The following GNAO1 variants were observed in gnomAD, a reference collection of about 807,000 sequenced individuals.
The protein encoded by GNAO1 is G protein subunit alpha o1.
For synonymous variants in GNAO1, 164 were observed against 180.7 expected (o/e 0.91, Z 0.74); for missense variants, 166 against 478.7 (o/e 0.35, Z 6.10).
chr16:56,214,729 G>A (rs1160376541), intron 2 of GNAO1, among the ~76,000 whole-genome samples: 1 of 152,118 alleles, frequency 6.6e-6, no homozygotes, highest in East Asian at 1.9e-4. Flanking sequence ...TGCCATCCTG[G>A]GAACACAGTA....
chr16:56,228,237 G>A (rs1192363904), intron 2 of GNAO1, among the ~76,000 whole-genome samples: 2 of 152,184 alleles, frequency 1.3e-5, no homozygotes, highest in African/African-American at 4.8e-5. Flanking sequence ...GGCTTAGCCA[G>A]GGCCACCACC....
chr16:56,308,688 A>G (rs2037422442), intron 3 of GNAO1, among the ~76,000 whole-genome samples: 1 of 152,128 alleles, frequency 6.6e-6, no homozygotes, highest in South Asian at 2.1e-4. Flanking sequence ...GAGGAACAGG[A>G]CCACAGTTGG....
At chr16:56,336,976 C>A in intron 6 of GNAO1, 116 bp downstream of exon 6, 3 of 1,021,512 alleles carry the variant, frequency 2.9e-6, no homozygotes, top group South Asian at 1.6e-5. Flanking sequence ...GTCCAGCCAG[C>A]TGTTGTGGTT....
chr16:56,354,809 C>T lies in GNAO1; in HGVS notation c.878-57C>T. On this transcript the variant is annotated intron_variant, in intron 7 of 8. Coordinates refer to ENST00000262493, the MANE Select transcript of GNAO1 (RefSeq NM_020988.3). The surrounding 1 kb of genome is among the most constrained non-coding windows in gnomAD (Gnocchi z 4.3). ...ACTTCTTGTCTTCATGTCCCCAGCC[C>T]TGTCCACCCACAGCGCTCATCAGGG... The T allele has an allele frequency of 9.1e-7, 1 of 1,101,472 alleles. No homozygotes were observed. The allele number at this position is 1,101,472 out of a possible 1,614,324, so 68.2% of individuals were successfully genotyped here.
intron 2 of GNAO1, among the ~76,000 whole-genome samples, chr16:56,225,615 AG>A (rs1387760143): frequency 6.6e-6 from 1 of 152,098 alleles, no homozygotes; most frequent in Non-Finnish European, 1.5e-5. Flanking sequence ...TTCTAATGGG[AG>A]GGTGGAGTTC....
At chr16:56,263,367 A>G (rs1263876529) in intron 2 of GNAO1, among the ~76,000 whole-genome samples, 1 of 152,236 alleles carries the variant, frequency 6.6e-6, no homozygotes, top group Non-Finnish European at 1.5e-5. Context: ...GCCATGTACC[A>G]AGCTCTGCCC....
At chr16:56,249,057 C>T (rs1354896867) in intron 2 of GNAO1, among the ~76,000 whole-genome samples, 4 of 152,132 alleles carry the variant, frequency 2.6e-5, no homozygotes, top group East Asian at 1.9e-4. Context: ...CAAGAAACTA[C>T]GGTGGTAGTG....
At chr16:56,348,462 G>T (rs1328383426) in intron 6 of GNAO1, among the ~76,000 whole-genome samples, 1 of 152,252 alleles carries the variant, frequency 6.6e-6, no homozygotes, top group African/African-American at 2.4e-5. Flanking sequence ...GGACACTGCT[G>T]TGGGTGACGT....
intron 2 of GNAO1, among the ~76,000 whole-genome samples, chr16:56,196,418 A>T (rs889035046): frequency 3.9e-5 from 6 of 152,214 alleles, no homozygotes; most frequent in Admixed American, 6.5e-5. Flanking sequence ...ATTTTTAAAG[A>T]ATTGTCAATT....
chr16:56,245,977 C>G (rs1290838730), intron 2 of GNAO1, among the ~76,000 whole-genome samples: 3 of 152,144 alleles, frequency 2.0e-5, no homozygotes, highest in Non-Finnish European at 4.4e-5. Context: ...TTAATGTTTC[C>G]AGAGCCCACA....
At chr16:56,246,504 C>T (rs542104303) in intron 2 of GNAO1, among the ~76,000 whole-genome samples, 2 of 152,282 alleles carry the variant, frequency 1.3e-5, no homozygotes, top group Admixed American at 6.5e-5. Flanking sequence ...ACTGGACGAT[C>T]AAGTTCAGTG....
intron 3 of GNAO1, among the ~76,000 whole-genome samples, chr16:56,318,418 G>A (rs1416852827): frequency 2.6e-5 from 4 of 152,222 alleles, no homozygotes; most frequent in Non-Finnish European, 4.4e-5. Flanking sequence ...CGCCGGGCCC[G>A]GCCCTGCAAT....
intron 2 of GNAO1, among the ~76,000 whole-genome samples, chr16:56,213,996 TG>T (rs1195502890): frequency 6.6e-6 from 1 of 151,954 alleles, no homozygotes; most frequent in Non-Finnish European, 1.5e-5. Context: ...GCCTAGGGCT[TG>T]GGGGTGGTGT....
At chr16:56,261,010 C>A (rs1422303679) in intron 2 of GNAO1, among the ~76,000 whole-genome samples, 1 of 152,196 alleles carries the variant, frequency 6.6e-6, no homozygotes, top group Admixed American at 6.5e-5. Context: ...TGGCTCACGT[C>A]CATGTAGTCA....
rs564248854 is a variant in GNAO1, at chr16:56,344,646, G to C, written c.724-6738G>C. 2.1e-5 allele frequency: 21 copies of C among 985,518 alleles called. No homozygotes were observed. In the East Asian group the frequency reaches 5.7e-4, roughly 27 times the overall value. 61.0% of individuals were successfully genotyped at this position (985,518 alleles called of 1,614,324 possible). ...GCTCAGATAGATGGTGGCGTGGAGC[G>C]GGGGGAGGGAGAGATGGGAGGTGCG... On this transcript the variant is annotated intron_variant, in intron 6 of 8. Coordinates refer to ENST00000262493, the MANE Select transcript of GNAO1 (RefSeq NM_020988.3).
Position 56,354,631 on chromosome 16 carries a change from G to A in GNAO1, c.878-235G>A, listed in dbSNP as rs1175190247. Among the ~76,000 whole-genome samples, 5 of 152,212 alleles carry A rather than the reference G, an allele frequency of 3.3e-5. No individual in the cohort carries two copies. The highest frequency in any genetic ancestry group is 1.9e-4 in the East Asian group (1 of 5,196). ...GCAGAGGTTGCAGTGAGCTGAGATC[G>A]TGCCATTGCACTCCAGCCTGGGCAA... On this transcript the variant is annotated intron_variant, in intron 7 of 8. Transcript: ENST00000262493. The surrounding 1 kb of genome is among the most constrained non-coding windows in gnomAD (Gnocchi z 4.3).
rs1194308596 is a variant in GNAO1 at position 56,319,033 on chromosome 16, A to G, written c.304-9598A>G. The stretch of plus-strand genomic sequence containing the variant: ...AATGAAAATCCCTGTTCATTTCCCC[A>G]TCATATCCTTGGCACCTCATCCCTT... On this transcript the variant is annotated intron_variant, in intron 3 of 8. Coordinates refer to ENST00000262493, the MANE Select transcript of GNAO1 (RefSeq NM_020988.3). Among the ~76,000 whole-genome samples, 5 of 152,176 alleles carry G rather than the reference A, an allele frequency of 3.3e-5. No individual in the cohort carries two copies. In the East Asian group the frequency reaches 5.8e-4, roughly 18 times the overall value.
intron 3 of GNAO1, among the ~76,000 whole-genome samples, chr16:56,285,675 A>G (rs1276794985): frequency 1.3e-5 from 2 of 152,238 alleles, no homozygotes; most frequent in African/African-American, 4.8e-5. Flanking sequence ...AAATGCATCT[A>G]CTTAACAAAT....
chr16:56,337,397 G>C (rs758625060), intron 6 of GNAO1, among the ~76,000 whole-genome samples: 11 of 152,198 alleles, frequency 7.2e-5, no homozygotes, highest in Non-Finnish European at 1.3e-4. Context: ...GGGCCAGGAA[G>C]GGCAATGGGG....
Sources: gnomAD v4.1 joint callset for allele counts (sites outside exome capture counted in the v4.1 genomes callset) on GRCh38, gnomAD v4.1.1 for gene constraint, Gnocchi (gnomAD v3.1) non-coding constraint, MANE v1.5 for transcripts, NCBI Gene and HGNC (gene_info 2026-07-23, HGNC 2026-07-21) for gene names.